KLHL2: variants seen among roughly 807,000 people sequenced by gnomAD.
The protein encoded by KLHL2 is kelch like family member 2.
Under a neutral mutation model 75.8 loss-of-function variants are expected in KLHL2, and 15 were observed. That is an observed-to-expected ratio of 0.20 (90% CI 0.13 to 0.30). KLHL2 has a LOEUF of 0.30. KLHL2 is among the 10% of genes least tolerant of loss of function. The probability of loss-of-function intolerance (pLI) is 1.00; values close to 1 mark genes in which losing one functional copy is unlikely to be tolerated. For synonymous variants in KLHL2, 214 were observed against 251.9 expected (o/e 0.85, Z 1.42); for missense variants, 381 against 741.0 (o/e 0.51, Z 5.64).
chr4:165,290,276 G>A (rs1245717626), intron 5 of KLHL2, among the ~76,000 whole-genome samples: 1 of 151,792 alleles, frequency 6.6e-6, no homozygotes, highest in African/African-American at 2.4e-5. Flanking sequence ...CCAAGTAGTT[G>A]GGACTACAAA....
chr4:165,255,111 G>C (rs1741060294), intron 4 of KLHL2, among the ~76,000 whole-genome samples: 1 of 152,150 alleles, frequency 6.6e-6, no homozygotes, highest in Non-Finnish European at 1.5e-5. Flanking sequence ...AGAAACCTTG[G>C]GTTAAAAGTA....
intron 5 of KLHL2, among the ~76,000 whole-genome samples, chr4:165,271,199 A>C (rs967619453): frequency 2.0e-5 from 3 of 151,904 alleles, no homozygotes; most frequent in African/African-American, 7.3e-5. Flanking sequence ...GAGTGATGGC[A>C]TTTTGATAGG....
chr4:165,298,488 T>TA (rs1745089299), intron 7 of KLHL2, among the ~76,000 whole-genome samples: 1 of 152,178 alleles, frequency 6.6e-6, no homozygotes, highest in Non-Finnish European at 1.5e-5. Flanking sequence ...CTGTTTTTTT[T>TA]ATTAGAATCC....
chr4:165,250,092 C>T (rs1740581584), intron 4 of KLHL2, among the ~76,000 whole-genome samples: 1 of 151,820 alleles, frequency 6.6e-6, no homozygotes, highest in Non-Finnish European at 1.5e-5. Context: ...CCACTGCACT[C>T]CAGCCTGGGC....
chr4:165,251,994 A>G (rs1393628956), intron 4 of KLHL2, among the ~76,000 whole-genome samples: 1 of 152,210 alleles, frequency 6.6e-6, no homozygotes, highest in Non-Finnish European at 1.5e-5. Context: ...GTGGCTTTGT[A>G]TTATTAAAAT....
rs1406372903 is a variant in KLHL2 at position 165,243,273 on chromosome 4, ATTT to A, written c.381+4375_381+4377del. ...GAGTTTGACTTCTCCGCCTTTGGGT[ATTT>A]GTTTTGGCTTCCTAAAAGTAGGTAA... On this transcript the variant is annotated intron_variant, in intron 4 of 14. Coordinates refer to ENST00000226725, the MANE Select transcript of KLHL2 (RefSeq NM_007246.4). Among the ~76,000 whole-genome samples the A allele has an allele frequency of 5.9e-5, 9 of 152,346 alleles. No homozygotes were observed. The East Asian group carries it at 1.5e-3, about 26-fold the overall frequency.
chr4:165,240,520 C>G (rs1337131293), intron 4 of KLHL2: 1 of 151,144 alleles, frequency 6.6e-6, no homozygotes, highest in Admixed American at 6.6e-5. Flanking sequence ...ATGTATGCAT[C>G]AGATGCTAGA....
chr4:165,264,704 G>GTGTGTATATATATATA (rs1323043527), intron 5 of KLHL2, among the ~76,000 whole-genome samples: 3 of 82,842 alleles, frequency 3.6e-5, no homozygotes, highest in Non-Finnish European at 4.4e-5. Context: ...GTGTGTGTGT[G>GTGTGTATATATATATA]TATATATATA....
At chr4:165,297,982 C>G (rs1745044640) in intron 7 of KLHL2, among the ~76,000 whole-genome samples, 1 of 152,138 alleles carries the variant, frequency 6.6e-6, no homozygotes, top group African/African-American at 2.4e-5. Flanking sequence ...TGCTACAACC[C>G]CAGCTAATTT....
chr4:165,222,357 A>G (rs1738064608), intron 2 of KLHL2, among the ~76,000 whole-genome samples: 1 of 152,050 alleles, frequency 6.6e-6, no homozygotes, highest in South Asian at 2.1e-4. Flanking sequence ...ATTATTTATA[A>G]GCTCCAGTCT....
In KLHL2 at chr4:165,286,272, G is replaced by T. The variant is rs1744086395; in HGVS notation, c.545-8087G>T. On this transcript the variant is annotated intron_variant, in intron 5 of 14. Coordinates refer to ENST00000226725, the MANE Select transcript of KLHL2 (RefSeq NM_007246.4). ...GGTTTCATGGTGTATGGGTGGCTCT[G>T]TCTTGTTTAAAAGAGCCATGATGAT... Among the ~76,000 whole-genome samples, 5 of 152,240 alleles carry T rather than the reference G, an allele frequency of 3.3e-5. No homozygotes were observed. The South Asian group carries it at 6.2e-4, about 19-fold the overall frequency.
rs995855675 is a variant in KLHL2, at chr4:165,322,870, T to C, written c.*810T>C. The C allele has an allele frequency of 2.0e-5, 3 of 152,658 alleles. No individual in the cohort carries two copies. The highest frequency in any genetic ancestry group is 7.2e-5 in the African/African-American group (3 of 41,460). The allele number at this position is 152,658 out of a possible 1,614,324, so 9.5% of individuals were successfully genotyped here. On this transcript the variant is annotated 3_prime_UTR_variant, in exon 15 of 15. Coordinates refer to ENST00000226725, the MANE Select transcript of KLHL2 (RefSeq NM_007246.4). ...AATCTTGGTCATGTTTTGGTGTGTA[T>C]TTTTAATTTTTTTCTTAAATTAACA...
rs1276576465 is a variant in KLHL2, at chr4:165,207,811, C to T, written c.-66C>T. The T allele has an allele frequency of 2.1e-4, 296 of 1,382,502 alleles. 2 individuals carry two copies. The South Asian group carries it at 3.3e-3, about 16-fold the overall frequency. The allele number at this position is 1,382,502 out of a possible 1,614,324, so 85.6% of individuals were successfully genotyped here. Reference sequence around the variant, plus strand: ...CTCGGCGGGCGGGCAGTGCCGGCGTCCGCGGCTGGAATGGTGCTGGCTGTG... The same window carrying T: ...CTCGGCGGGCGGGCAGTGCCGGCGTTCGCGGCTGGAATGGTGCTGGCTGTG... On this transcript the variant is annotated 5_prime_UTR_variant, in exon 1 of 15. Coordinates refer to ENST00000226725, the MANE Select transcript of KLHL2 (RefSeq NM_007246.4). The surrounding 1 kb of genome is among the most constrained non-coding windows in gnomAD (Gnocchi z 4.2).
chr4:165,254,107 G>A (rs1740963920), intron 4 of KLHL2, among the ~76,000 whole-genome samples: 1 of 152,256 alleles, frequency 6.6e-6, no homozygotes, highest in Non-Finnish European at 1.5e-5. Context: ...AGTTCGTTCT[G>A]TTTGTGTCAA....
At chr4:165,320,758 G>C (rs1458772332) in intron 14 of KLHL2, among the ~76,000 whole-genome samples, 1 of 152,186 alleles carries the variant, frequency 6.6e-6, no homozygotes, top group Non-Finnish European at 1.5e-5. Context: ...CAGATGTTGT[G>C]TATGACTTCA....
chr4:165,226,189 A>G (rs931991824), intron 2 of KLHL2, among the ~76,000 whole-genome samples: 82 of 152,188 alleles, frequency 5.4e-4, no homozygotes, highest in African/African-American at 1.9e-3. Flanking sequence ...ACAAAAGAGA[A>G]ACCTGGATTG....
intron 6 of KLHL2, among the ~76,000 whole-genome samples, chr4:165,295,444 A>T (rs1380446141): frequency 1.3e-5 from 2 of 152,244 alleles, no homozygotes; most frequent in Non-Finnish European, 2.9e-5. Flanking sequence ...ATAGACATGT[A>T]TTGAGTGCCT....
chr4:165,291,112 G>A (rs1160142493), intron 5 of KLHL2, among the ~76,000 whole-genome samples: 4 of 152,096 alleles, frequency 2.6e-5, no homozygotes, highest in Admixed American at 2.6e-4. Context: ...GTGCTTATTT[G>A]CCATTTGTAT....
At chr4:165,266,609 T>G (rs1742260885) in intron 5 of KLHL2, among the ~76,000 whole-genome samples, 1 of 152,232 alleles carries the variant, frequency 6.6e-6, no homozygotes, top group South Asian at 2.1e-4. Flanking sequence ...TTGTCAAGTT[T>G]GTCAAAGATC....
Sources: allele counts gnomAD v4.1 joint callset (sites outside exome capture counted in the v4.1 genomes callset), GRCh38; gene constraint gnomAD v4.1.1; non-coding constraint Gnocchi (gnomAD v3.1); transcripts MANE v1.5; gene names NCBI Gene and HGNC (gene_info 2026-07-23, HGNC 2026-07-21).